Variants in CACNA1E observed in about 807,000 individuals in gnomAD.
The protein encoded by CACNA1E is calcium voltage-gated channel subunit alpha1 E.
Under a neutral mutation model 259.2 loss-of-function variants are expected in CACNA1E, and 40 were observed. The ratio of observed to expected loss-of-function variants is 0.15; its 90% CI spans 0.12 to 0.20. The LOEUF is 0.20. Among genes scored for constraint, CACNA1E ranks in the 10% least tolerant of loss-of-function variants. The pLI is 1.00. For synonymous variants in CACNA1E, 1,104 were observed against 1,138.5 expected, an observed-to-expected ratio of 0.97 and a Z score of 0.61; for missense variants, 1,874 against 3,040.1, an observed-to-expected ratio of 0.62 and a Z score of 9.02.
intron 26 of CACNA1E, among the ~76,000 whole-genome samples, chr1:181,750,754 G>A (rs1388691526): frequency 2.0e-5 from 3 of 152,188 alleles, no homozygotes; most frequent in Non-Finnish European, 4.4e-5. Context: ...TGTAAAACAT[G>A]CCAAAGTCTC....
chr1:181,772,323 G>A, intron 37 of CACNA1E, 92 bp downstream of exon 37: 4 of 1,317,172 alleles, frequency 3.0e-6, no homozygotes, highest in Admixed American at 1.9e-5. Flanking sequence ...TTGCTTCAGT[G>A]TATGTTTGTG....
intron 18 of CACNA1E, among the ~76,000 whole-genome samples, chr1:181,727,162 C>T (rs973281695): frequency 2.6e-5 from 4 of 152,164 alleles, no homozygotes; most frequent in Non-Finnish European, 5.9e-5. Context: ...GAAGGTTGTT[C>T]GCATTTAGAT....
At chr1:181,748,483 CCT>C (rs1311108946) in intron 25 of CACNA1E, among the ~76,000 whole-genome samples, 3 of 152,112 alleles carry the variant, frequency 2.0e-5, no homozygotes, top group Non-Finnish European at 4.4e-5. Context: ...ATGAGCATGA[CCT>C]CTGAGAACCT....
intron 6 of CACNA1E, among the ~76,000 whole-genome samples, chr1:181,648,558 C>T (rs1046844699): frequency 6.6e-6 from 1 of 152,168 alleles, no homozygotes; most frequent in Non-Finnish European, 1.5e-5. Context: ...GATCTTCTCA[C>T]GGGCTCAGAA....
chr1:181,783,679 A>G lies in CACNA1E; in HGVS notation c.5365A>G (p.Arg1789Gly). Residue 1789 changes from arginine (R) to glycine (G), a missense_variant and splice_region_variant, in exon 40 of 48, where the codon AGG becomes GGG. Transcript: ENST00000367573. Reference sequence around the variant, plus strand: ...TGTTTCTTTTTTCTCTTTCACACAGAGGTTGGTCCTGATGAACATGCCAGT... The same window carrying G: ...TGTTTCTTTTTTCTCTTTCACACAGGGGTTGGTCCTGATGAACATGCCAGT... ...KRCPSKVAYK[R>G]LVLMNMPVAE... is the part of the protein sequence containing the mutation. 6.4e-7 allele frequency: 1 copy of G among 1,560,234 alleles called. No homozygotes were observed. The highest frequency in any genetic ancestry group is 8.8e-7 in the Non-Finnish European group (1 of 1,137,248).
chr1:181,459,237 C>A (rs965060211), intron 2 of CACNA1E, among the ~76,000 whole-genome samples: 14 of 152,222 alleles, frequency 9.2e-5, no homozygotes. Flanking sequence ...TAGCTTAATG[C>A]CCTAAGGCAG....
chr1:181,563,559 C>T (rs770805561), intron 3 of CACNA1E, among the ~76,000 whole-genome samples: 13 of 152,132 alleles, frequency 8.5e-5, no homozygotes, highest in South Asian at 4.1e-4. Flanking sequence ...AACCCACACT[C>T]GTCAGTGTTT....
intron 7 of CACNA1E, among the ~76,000 whole-genome samples, chr1:181,676,619 C>T (rs1290623704): frequency 6.6e-6 from 1 of 152,060 alleles, no homozygotes; most frequent in African/African-American, 2.4e-5. Flanking sequence ...GCATGAAGCC[C>T]TCCTTAGTAT....
intron 1 of CACNA1E, among the ~76,000 whole-genome samples, chr1:181,379,099 G>A (rs150512179): frequency 5.3e-5 from 8 of 152,170 alleles, no homozygotes; most frequent in South Asian, 2.1e-4. Flanking sequence ...TATTAAATAC[G>A]TTCAAAAAGT....
intron 1 of CACNA1E, among the ~76,000 whole-genome samples, chr1:181,410,204 A>G (rs1657746459): frequency 6.6e-6 from 1 of 152,224 alleles, no homozygotes; most frequent in Admixed American, 6.5e-5. Context: ...AAAATCCCTC[A>G]AGGGGAGTTG....
intron 1 of CACNA1E, among the ~76,000 whole-genome samples, chr1:181,346,148 C>A (rs920425528): frequency 1.3e-5 from 2 of 152,206 alleles, no homozygotes; most frequent in Non-Finnish European, 2.9e-5. Flanking sequence ...AGGGTTCCCT[C>A]TGGAGGGCAC....
intron 3 of CACNA1E, among the ~76,000 whole-genome samples, chr1:181,545,053 A>G (rs954820621): frequency 6.6e-6 from 1 of 152,202 alleles, no homozygotes; most frequent in Non-Finnish European, 1.5e-5. Flanking sequence ...CACTCAGATC[A>G]TTCTGATGCA....
chr1:181,769,864 G>C (rs1659350079), intron 35 of CACNA1E, among the ~76,000 whole-genome samples: 1 of 152,192 alleles, frequency 6.6e-6, no homozygotes, highest in African/African-American at 2.4e-5. Flanking sequence ...AAATGTCAGT[G>C]CCCTCCTGGG....
chr1:181,724,334 C>T (rs946941093), intron 16 of CACNA1E, 136 bp from the exon 17 acceptor site: 4 of 651,958 alleles, frequency 6.1e-6, no homozygotes, highest in African/African-American at 5.4e-5. Flanking sequence ...GTTCTCACAG[C>T]CCCTGCTTAA....
At chr1:181,480,147 T>G (rs577562197), upstream of CACNA1E, among the ~76,000 whole-genome samples, 2 of 152,148 alleles carry the variant, frequency 1.3e-5, no homozygotes, top group East Asian at 3.9e-4. Context: ...TGTAGCTGCC[T>G]TGGGGGCTGG....
chr1:181,745,328 G>C (rs766258263), intron 25 of CACNA1E: 3 of 488,230 alleles, frequency 6.1e-6, no homozygotes, highest in Non-Finnish European at 1.2e-5. Context: ...GAACACCCAA[G>C]TATTTTTTTT....
chr1:181,794,869 G>A lies in CACNA1E; in HGVS notation c.6033G>A (p.Val2011=), dbSNP rs748517075. The A allele has an allele frequency of 5.0e-6, 8 of 1,610,278 alleles. No homozygotes were observed. The highest frequency in any genetic ancestry group is 6.8e-6 in the Non-Finnish European group (8 of 1,177,976). The change falls in exon 46 of 48, where the codon GTG becomes GTA. Residue 2011 remains valine (V), a synonymous_variant. Coordinates refer to ENST00000367573, the MANE Select transcript of CACNA1E (RefSeq NM_001205293.3). ...MPRLTVDPQV[V]TDPSSMRRSF... The stretch of plus-strand genomic sequence containing the variant: ...CTGGGGGCTTGTATTTCCAGGTGGT[G>A]ACAGACCCTAGCTCCATGAGACGTT...
intron 3 of CACNA1E, among the ~76,000 whole-genome samples, chr1:181,563,556 A>G (rs1162545958): frequency 6.6e-6 from 1 of 152,008 alleles, no homozygotes; most frequent in Non-Finnish European, 1.5e-5. Context: ...GTTAACCCAC[A>G]CTCGTCAGTG....
At chr1:181,555,358 C>T (rs769324987) in intron 3 of CACNA1E, among the ~76,000 whole-genome samples, 4 of 152,268 alleles carry the variant, frequency 2.6e-5, no homozygotes, top group East Asian at 1.9e-4. Context: ...TCATCTAGAG[C>T]GAATCTTTCC....
Sources: allele counts gnomAD v4.1 joint callset (sites outside exome capture counted in the v4.1 genomes callset), GRCh38; gene constraint gnomAD v4.1.1; transcripts MANE v1.5; gene names NCBI Gene and HGNC (gene_info 2026-07-23, HGNC 2026-07-21).